Variants in BICD1 observed in about 807,000 individuals in gnomAD.
BICD1 encodes BICD cargo adaptor 1, also known as protein bicaudal D homolog 1.
BICD1 carries 35 observed loss-of-function variants against 92.5 expected under a neutral mutation model. That is an observed-to-expected ratio of 0.38 (90% confidence interval 0.29 to 0.50). The LOEUF is 0.50. Ranked by LOEUF, BICD1 falls within the 20% of genes least tolerant of loss-of-function variation. The probability of loss-of-function intolerance (pLI) is 0.93; values close to 1 mark genes in which losing one functional copy is unlikely to be tolerated. For missense variants in BICD1, 950 were observed against 1,189.8 expected, an observed-to-expected ratio of 0.80 and a Z score of 2.97; for synonymous variants, 429 against 465.1, an observed-to-expected ratio of 0.92 and a Z score of 1.00.
At chr12:32,279,239 G>A (rs1207126503) in intron 2 of BICD1, among the ~76,000 whole-genome samples, 1 of 152,212 alleles carries the variant, frequency 6.6e-6, no homozygotes, top group Admixed American at 6.5e-5. Flanking sequence ...GGTCAGGGCA[G>A]TGACCTTCCC....
chr12:32,252,530 C>G (rs1178371198), intron 2 of BICD1, among the ~76,000 whole-genome samples: 2 of 152,100 alleles, frequency 1.3e-5, no homozygotes, highest in Non-Finnish European at 2.9e-5. Context: ...AGATTCTTCC[C>G]ATTTCTTCTA....
chr12:32,295,310 T>C (rs2136196329), intron 3 of BICD1, among the ~76,000 whole-genome samples: 1 of 152,320 alleles, frequency 6.6e-6, no homozygotes, highest in Non-Finnish European at 1.5e-5. Context: ...GAGTAGTTAA[T>C]TAAGCAAAGG....
At chr12:32,283,912 G>C (rs1487172003) in intron 2 of BICD1, among the ~76,000 whole-genome samples, 2 of 152,222 alleles carry the variant, frequency 1.3e-5, no homozygotes, top group Non-Finnish European at 2.9e-5. Flanking sequence ...AATAAAGCAT[G>C]TGCTTGTCCC....
intron 1 of BICD1, among the ~76,000 whole-genome samples, chr12:32,177,186 G>A (rs549486075): frequency 1.3e-5 from 2 of 151,404 alleles, no homozygotes; most frequent in Admixed American, 6.6e-5. Flanking sequence ...GTGGTGGTGC[G>A]CACCTGTAAT....
intron 1 of BICD1, among the ~76,000 whole-genome samples, chr12:32,189,404 C>G (rs1944504792): frequency 1.3e-5 from 2 of 152,194 alleles, no homozygotes; most frequent in South Asian, 4.1e-4. Flanking sequence ...CTTCCTCCTA[C>G]TCCCTATCCT....
chr12:32,347,214 G>A (rs1938666815), intron 8 of BICD1, among the ~76,000 whole-genome samples: 1 of 151,562 alleles, frequency 6.6e-6, no homozygotes, highest in Admixed American at 6.6e-5. Flanking sequence ...GCCTTCCAAA[G>A]TGCTGGGATT....
chr12:32,324,279 C>G (rs942124103), intron 4 of BICD1, among the ~76,000 whole-genome samples: 2 of 148,200 alleles, frequency 1.3e-5, no homozygotes, highest in Admixed American at 6.9e-5. Context: ...CGCTTGAACC[C>G]GGGAGGCGGA....
rs1204254190 is a variant in BICD1 at position 32,330,594 on chromosome 12, A to G, written c.2100+2039A>G. Among the ~76,000 whole-genome samples the G allele has an allele frequency of 2.0e-5, 3 of 150,824 alleles. No homozygotes were observed. The East Asian group carries it at 5.8e-4, about 29-fold the overall frequency. On this transcript the variant is annotated intron_variant, in intron 5 of 9. Transcript: ENST00000652176. ...AAATTAAAATATATATATATAAAAT[A>G]AATAAAATAAAAAAAGAAAAGATTA...
At position 32,229,046 on chromosome 12, in the gene BICD1, T is replaced by C. The variant is rs539929620; in HGVS notation, c.426+12587T>C. On this transcript the variant is annotated intron_variant, in intron 2 of 9. Transcript: ENST00000652176. ...GAGCGGATTACTTGAGGCCAGGAGT[T>C]TGAGACGAGCCTGGCTAACATGACA... Among the ~76,000 whole-genome samples, 8 of 152,120 alleles carry C rather than the reference T, an allele frequency of 5.3e-5. No homozygotes were observed. The East Asian group carries it at 1.5e-3, about 29-fold the overall frequency.
At chr12:32,158,377 G>A (rs1259306706) in intron 1 of BICD1, among the ~76,000 whole-genome samples, 2 of 151,976 alleles carry the variant, frequency 1.3e-5, no homozygotes, top group African/African-American at 2.4e-5. Context: ...CAAAGTGCTG[G>A]GATTACAGGC....
intron 8 of BICD1, among the ~76,000 whole-genome samples, chr12:32,354,307 T>A (rs1408718350): frequency 6.6e-6 from 1 of 152,214 alleles, no homozygotes; most frequent in East Asian, 1.9e-4. Context: ...AAGACGACTT[T>A]CATGCTTGTC....
intron 2 of BICD1, among the ~76,000 whole-genome samples, chr12:32,220,858 T>C (rs1945495967): frequency 1.5e-5 from 2 of 129,286 alleles, no homozygotes; most frequent in African/African-American, 3.0e-5. Context: ...TGTCCAACAA[T>C]GATAGACTGG....
chr12:32,281,155 C>T (rs1947402048), intron 2 of BICD1, among the ~76,000 whole-genome samples: 1 of 152,098 alleles, frequency 6.6e-6, no homozygotes, highest in Admixed American at 6.6e-5. Flanking sequence ...AATTATCTCC[C>T]CCTTTATTAC....
chr12:32,224,787 C>T (rs1945633380), intron 2 of BICD1, among the ~76,000 whole-genome samples: 1 of 152,100 alleles, frequency 6.6e-6, no homozygotes, highest in African/African-American at 2.4e-5. Context: ...CTGCAACATC[C>T]ACCTCCCAGA....
At position 32,216,385 on chromosome 12, in the gene BICD1, C is replaced by G. The variant is rs1945363349; in HGVS notation, c.352C>G (p.Gln118Glu). The change falls in exon 2 of 10, where the codon CAG becomes GAG. Residue 118 changes from glutamine (Q) to glutamate (E), a missense_variant. Physicochemically the swap from Gln to Glu is conservative, Grantham distance 29 (BLOSUM62 2). Around this residue, in one of 5 missense-constraint regions of BICD1, gnomAD observed 202 missense variants for 205.3 expected, o/e 0.98. Transcript: ENST00000652176. ...CTTGGAGATGCAGAACGAGCTGAAA[C>G]AGAGCCGGGCTGTGGTCACTAATGT... ...KILEMQNELK[Q>E]SRAVVTNVQA... 1 of 1,614,016 alleles carries G rather than the reference C, an allele frequency of 6.2e-7. No individual in the cohort carries two copies. The highest frequency in any genetic ancestry group is 8.5e-7 in the Non-Finnish European group (1 of 1,180,030).
intron 8 of BICD1, among the ~76,000 whole-genome samples, chr12:32,358,101 GGTTT>G (rs569451457): frequency 8.6e-5 from 13 of 151,966 alleles, no homozygotes; most frequent in Non-Finnish European, 1.3e-4. Flanking sequence ...AGTTGAGTTT[GGTTT>G]GTTTGTTTGT....
At chr12:32,164,844 T>C (rs1437958003) in intron 1 of BICD1, among the ~76,000 whole-genome samples, 1 of 152,198 alleles carries the variant, frequency 6.6e-6, no homozygotes, top group Admixed American at 6.5e-5. Flanking sequence ...AAATGGATTT[T>C]AGAAGGTCAC....
chr12:32,377,538 A>G lies in BICD1; in HGVS notation c.2841-2A>G. On this transcript the variant is annotated splice_acceptor_variant, in intron 9 of 9. Coordinates refer to ENST00000652176, the MANE Select transcript of BICD1 (RefSeq NM_001714.4). LOFTEE classifies it high-confidence loss of function. ...GCTGACGTGCTTGTTTCTCCTTTCCAGTCCTGACACAGCTCTCCCTGAGGA... is the reference window on the plus strand; with the variant it reads ...GCTGACGTGCTTGTTTCTCCTTTCCGGTCCTGACACAGCTCTCCCTGAGGA... 1 of 1,613,612 alleles carries G rather than the reference A, an allele frequency of 6.2e-7. No individual in the cohort carries two copies.
chr12:32,140,205 T>C (rs1592362071), intron 1 of BICD1, among the ~76,000 whole-genome samples: 1 of 152,230 alleles, frequency 6.6e-6, no homozygotes, highest in African/African-American at 2.4e-5. Flanking sequence ...TCTGGGCTTC[T>C]TCCAAGAAGC....
Sources: gnomAD v4.1 joint callset for allele counts (sites outside exome capture counted in the v4.1 genomes callset) on GRCh38, gnomAD v4.1.1 for gene constraint, gnomAD v4.1.1 regional missense constraint, MANE v1.5 for transcripts, NCBI Gene and HGNC (gene_info 2026-07-23, HGNC 2026-07-21) for gene names.